RAB31: variants seen among roughly 807,000 people sequenced by gnomAD.
The protein encoded by RAB31 is RAB31, member RAS oncogene family, also known as ras-related protein Rab-31.
Under a neutral mutation model 25.6 loss-of-function variants are expected in RAB31, and 21 were observed. The observed-to-expected ratio is 0.82, with a 90% CI of 0.58 to 1.18. RAB31 has a LOEUF of 1.18. Ranked by LOEUF, RAB31 falls within the 50% of genes most tolerant of loss-of-function variation. The probability of loss-of-function intolerance (pLI) is 0.00; values close to 1 mark genes in which losing one functional copy is unlikely to be tolerated. For missense variants in RAB31, 196 were observed against 250.1 expected, an observed-to-expected ratio of 0.78 and a Z score of 1.46; for synonymous variants, 87 against 84.0, an observed-to-expected ratio of 1.04 and a Z score of -0.20.
At chr18:9,794,867 C>T (rs1369827928) in intron 3 of RAB31, among the ~76,000 whole-genome samples, 1 of 151,910 alleles carries the variant, frequency 6.6e-6, no homozygotes, top group East Asian at 1.9e-4. Flanking sequence ...TACCATCATT[C>T]TTCACAGAAC....
At chr18:9,816,373 ATCT>A (rs1425523175) in intron 5 of RAB31, among the ~76,000 whole-genome samples, 2 of 152,222 alleles carry the variant, frequency 1.3e-5, no homozygotes, top group Non-Finnish European at 2.9e-5. Flanking sequence ...GACTCTACAT[ATCT>A]TTGGGCTAGA....
chr18:9,732,939 A>C (rs191028965), intron 1 of RAB31, among the ~76,000 whole-genome samples: 1 of 152,150 alleles, frequency 6.6e-6, no homozygotes, highest in East Asian at 1.9e-4. Context: ...TTGCTGCAGG[A>C]TGCTTAAAGG....
chr18:9,751,098 G>A (rs2068232813), intron 1 of RAB31, among the ~76,000 whole-genome samples: 1 of 152,116 alleles, frequency 6.6e-6, no homozygotes, highest in African/African-American at 2.4e-5. Context: ...GCAGCGGTGT[G>A]ATCATAGCTC....
At chr18:9,761,023 C>T (rs1236058640) in intron 1 of RAB31, among the ~76,000 whole-genome samples, 2 of 152,082 alleles carry the variant, frequency 1.3e-5, no homozygotes, top group Admixed American at 1.3e-4. Context: ...ATCTTGGATG[C>T]TGTGATATCT....
intron 5 of RAB31, among the ~76,000 whole-genome samples, chr18:9,834,011 G>C (rs191114347): frequency 2.0e-5 from 3 of 152,326 alleles, no homozygotes; most frequent in East Asian, 1.9e-4. Flanking sequence ...GTCTGGAATA[G>C]AGCCAATTAA....
chr18:9,751,965 GA>G (rs778781433), intron 1 of RAB31, among the ~76,000 whole-genome samples: 2 of 152,174 alleles, frequency 1.3e-5, no homozygotes, highest in Non-Finnish European at 2.9e-5. Context: ...GGAAGACAGG[GA>G]TTGTACTAGA....
intron 1 of RAB31, among the ~76,000 whole-genome samples, chr18:9,728,573 C>T (rs1372081164): frequency 1.3e-5 from 2 of 152,024 alleles, no homozygotes; most frequent in Admixed American, 6.6e-5. Flanking sequence ...GGGCTCATTC[C>T]ATCACCTAGG....
At chr18:9,803,809 C>T (rs2068525855) in intron 3 of RAB31, among the ~76,000 whole-genome samples, 2 of 152,232 alleles carry the variant, frequency 1.3e-5, no homozygotes, top group South Asian at 4.1e-4. Flanking sequence ...GGCAGCTGTG[C>T]AGGTGGAGCA....
At chr18:9,724,270 C>CAAAAAA (rs762384582) in intron 1 of RAB31, among the ~76,000 whole-genome samples, 1 of 35,748 alleles carries the variant, frequency 2.8e-5, no homozygotes, top group Non-Finnish European at 5.0e-5. Flanking sequence ...GACTCCGTCT[C>CAAAAAA]AAAAAAAAAA....
At chr18:9,840,683 G>A (rs2068729010) in intron 5 of RAB31, among the ~76,000 whole-genome samples, 1 of 152,156 alleles carries the variant, frequency 6.6e-6, no homozygotes, top group African/African-American at 2.4e-5. Flanking sequence ...TGGAGTTAGT[G>A]TAGACCCTGC....
At chr18:9,757,085 G>A (rs28433665) in intron 1 of RAB31, among the ~76,000 whole-genome samples, 36,221 of 152,136 alleles carry the variant, frequency 0.24, 4,547 homozygotes, top group African/African-American at 0.29. Context: ...ATGAGTTGGC[G>A]TTCAGTCAGG....
chr18:9,782,052 A>G (rs1204113719), intron 2 of RAB31, among the ~76,000 whole-genome samples: 1 of 152,214 alleles, frequency 6.6e-6, no homozygotes, highest in Non-Finnish European at 1.5e-5. Flanking sequence ...CCTGGTGCCC[A>G]TTCCCATGTG....
chr18:9,829,095 A>T (rs2068664421), intron 5 of RAB31, among the ~76,000 whole-genome samples: 1 of 152,232 alleles, frequency 6.6e-6, no homozygotes, highest in African/African-American at 2.4e-5. Context: ...AGAAGAATAT[A>T]TAAAACAAGC....
chr18:9,830,078 G>T (rs892314118), intron 5 of RAB31, among the ~76,000 whole-genome samples: 6 of 151,490 alleles, frequency 4.0e-5, no homozygotes, highest in Admixed American at 2.0e-4. Flanking sequence ...ATAGCTCACT[G>T]CAGCCTTGAA....
chr18:9,762,677 G>A (rs2068295226), intron 1 of RAB31, among the ~76,000 whole-genome samples: 1 of 152,106 alleles, frequency 6.6e-6, no homozygotes, highest in Admixed American at 6.5e-5. Flanking sequence ...AAGCTGTGGG[G>A]CTATTATAAG....
At chr18:9,755,078 C>T (rs9953326) in intron 1 of RAB31, among the ~76,000 whole-genome samples, 10,079 of 152,126 alleles carry the variant, frequency 0.066, 1,127 homozygotes, top group African/African-American at 0.23. Flanking sequence ...AGGCGTCACA[C>T]TAGTAAGTCT....
intron 1 of RAB31, among the ~76,000 whole-genome samples, chr18:9,734,424 C>T (rs7240276): frequency 0.64 from 96,829 of 152,102 alleles, 31,855 homozygotes; most frequent in East Asian, 0.94. Context: ...GGACAGGAAG[C>T]GTTACATACC....
At position 9,845,178 on chromosome 18, in the gene RAB31, A is replaced by T. The variant is rs75352923; in HGVS notation, c.381-404A>T. ...CTGATTTGTGAAAGATAATATGTAA[A>T]AAGTTTCACAAAAGCATGTGTGCAC... On this transcript the variant is annotated intron_variant, in intron 5 of 6. Transcript: ENST00000578921. Among the ~76,000 whole-genome samples the T allele has an allele frequency of 3.9e-5, 6 of 152,320 alleles. No individual in the cohort carries two copies. In the East Asian group the frequency reaches 1.2e-3, roughly 29 times the overall value.
intron 6 of RAB31, among the ~76,000 whole-genome samples, chr18:9,850,253 G>A (rs1568196190): frequency 6.6e-6 from 1 of 152,130 alleles, no homozygotes; most frequent in Non-Finnish European, 1.5e-5. Flanking sequence ...ATAGGATTCT[G>A]GATTGTGGTG....
Sources: gnomAD v4.1 joint callset for allele counts (sites outside exome capture counted in the v4.1 genomes callset) on GRCh38, gnomAD v4.1.1 for gene constraint, MANE v1.5 for transcripts, NCBI Gene and HGNC (gene_info 2026-07-23, HGNC 2026-07-21) for gene names.